The following GALNT9 variants were observed in gnomAD, a reference collection of about 807,000 sequenced individuals.
GALNT9 encodes GalNAc transferase 9.
Under a neutral mutation model 63.1 loss-of-function variants are expected in GALNT9, and 47 were observed. That is an observed-to-expected ratio of 0.75 (90% CI 0.59 to 0.95). The LOEUF (loss-of-function observed/expected upper bound fraction) is 0.95, where lower values mean the gene tolerates loss of function less well. Among genes scored for constraint, GALNT9 ranks in the 40% least tolerant of loss-of-function variants. The pLI is 0.00. For missense variants in GALNT9, 829 were observed against 874.8 expected (o/e 0.95, Z 0.66); for synonymous variants, 396 against 365.7 (o/e 1.08, Z -0.94).
At chr12:132,309,879 C>T (rs566710033) in intron 1 of GALNT9, among the ~76,000 whole-genome samples, 5 of 152,238 alleles carry the variant, frequency 3.3e-5, no homozygotes, top group Non-Finnish European at 5.9e-5. Context: ...GGCCACCACC[C>T]GTCCCCTGTT....
At chr12:132,247,609 CAGCCACACT>C (rs1565998827) in intron 6 of GALNT9, 1 of 545,840 alleles carries the variant, frequency 1.8e-6, no homozygotes, top group African/African-American at 1.9e-5. Context: ...CCGGACACTG[CAGCCACACT>C]CGCCCTCACC....
Position 132,296,015 on chromosome 12 carries a change from TC to T in GALNT9, c.239-9586del, listed in dbSNP as rs572967265. 3.5e-4 allele frequency among the ~76,000 whole-genome samples: 44 copies of T among 126,322 alleles called. No homozygotes were observed. Among genetic ancestry groups the T allele is most frequent in the Middle Eastern group, 5.2e-3 (1 of 192 alleles). 82.9% of individuals were successfully genotyped at this position (126,322 alleles called of 152,430 possible). The stretch of plus-strand genomic sequence containing the variant: ...GACGGCCTCCGGAACAGGGAGAGCC[TC>T]CGGAACAGGGAGAGCCTCCAGAACA... On this transcript the variant is annotated intron_variant, in intron 1 of 10. Transcript: ENST00000328957. This position sits in a 1 kb window ranked among gnomAD's most constrained non-coding sequence, Gnocchi z 4.2.
In GALNT9 at chr12:132,265,660, G is replaced by T. The variant is rs960509942; in HGVS notation, c.420-3035C>A. 6.6e-6 allele frequency among the ~76,000 whole-genome samples: 1 copy of T among 152,112 alleles called. No individual in the cohort carries two copies. The highest frequency in any genetic ancestry group is 2.4e-5 in the African/African-American group (1 of 41,412). ...GGATGCTTACAAGTTCCTGATGCCC[G>T]GTACAGGCCCGGGAAAGACAATGAA... On this transcript the variant is annotated intron_variant, in intron 2 of 10. Transcript: ENST00000328957. The surrounding 1 kb of genome is among the most constrained non-coding windows in gnomAD (Gnocchi z 5.3).
chr12:132,311,788 G>T (rs28640242), intron 1 of GALNT9, among the ~76,000 whole-genome samples: 1 of 151,924 alleles, frequency 6.6e-6, no homozygotes, highest in Non-Finnish European at 1.5e-5. Context: ...TGCGTCCTTC[G>T]TGTGCGTGCG....
At chr12:132,320,339 C>T (rs1426851663) in intron 1 of GALNT9, among the ~76,000 whole-genome samples, 7 of 152,202 alleles carry the variant, frequency 4.6e-5, no homozygotes, top group African/African-American at 7.2e-5. Flanking sequence ...GCGGCAGACA[C>T]GGCCCAGAGC....
chr12:132,286,381 C>G lies in GALNT9; in HGVS notation c.288G>C (p.Gln96His). 1.3e-6 allele frequency: 2 copies of G among 1,550,890 alleles called. No homozygotes were observed. Among genetic ancestry groups the G allele is most frequent in the Non-Finnish European group, 1.7e-6 (2 of 1,146,820 alleles). Residue 96 changes from glutamine (Q) to histidine (H), a missense_variant, in exon 2 of 11, where the codon CAG (glutamine) becomes CAC (histidine). Transcript: ENST00000328957. The surrounding 1 kb of genome is among the most constrained non-coding windows in gnomAD (Gnocchi z 7.4). ...CACGCAGGGTGGCCGCCAAGCCACC[C>G]TGGCCCAGGCCTCCTGGCCCCTCCA... ...GLVEGPGGLG[Q>H]GGLAATLRDD...
chr12:132,211,889 T>C (rs973543634), intron 6 of GALNT9, among the ~76,000 whole-genome samples: 1 of 152,086 alleles, frequency 6.6e-6, no homozygotes, highest in African/African-American at 2.4e-5. Flanking sequence ...AATCCACGCC[T>C]GTGGGCTGTG....
intron 6 of GALNT9, among the ~76,000 whole-genome samples, chr12:132,218,680 A>G (rs2135518580): frequency 6.6e-6 from 1 of 152,316 alleles, no homozygotes; most frequent in South Asian, 2.1e-4. Context: ...ATCGCTGGAA[A>G]GGCAAATCCC....
intron 5 of GALNT9, among the ~76,000 whole-genome samples, chr12:132,254,515 A>G (rs1045793907): frequency 1.3e-5 from 2 of 152,022 alleles, no homozygotes; most frequent in East Asian, 3.9e-4. Flanking sequence ...CTGATCCTCT[A>G]TGCGAGAGGA....
chr12:132,209,709 C>T (rs1196318874), intron 6 of GALNT9, among the ~76,000 whole-genome samples: 3 of 152,170 alleles, frequency 2.0e-5, no homozygotes, highest in Non-Finnish European at 4.4e-5. Context: ...TTCACAGATG[C>T]CATGGGAACG....
intron 6 of GALNT9, among the ~76,000 whole-genome samples, chr12:132,230,792 G>A (rs962507717): frequency 4.6e-5 from 7 of 152,214 alleles, no homozygotes; most frequent in Admixed American, 6.5e-5. Flanking sequence ...GTAACAGTCC[G>A]GGTTAATGGA....
rs1880402216 is a variant in GALNT9, at chr12:132,282,483, A to G, written c.419+3767T>C. Among the ~76,000 whole-genome samples the G allele has an allele frequency of 1.3e-5, 2 of 152,312 alleles. No individual in the cohort carries two copies. Among genetic ancestry groups the G allele is most frequent in the South Asian group, 4.1e-4 (2 of 4,826 alleles). On this transcript the variant is annotated intron_variant, in intron 2 of 10. Transcript: ENST00000328957. This position sits in a 1 kb window ranked among gnomAD's most constrained non-coding sequence, Gnocchi z 4.5. ...TGTGTGTGCACGCATGTGGTAATTT[A>G]TTGCAAAGTCAAGTGGGTCTGTTTT... is the stretch of plus-strand genomic sequence containing the variant.
At position 132,265,404 on chromosome 12, in the gene GALNT9, ACACAT is replaced by A. The variant is rs58492979; in HGVS notation, c.420-2784_420-2780del. 0.064 allele frequency among the ~76,000 whole-genome samples: 9,787 copies of A among 152,158 alleles called. 1,013 individuals carry two copies. Among genetic ancestry groups the A allele is most frequent in the African/African-American group, 0.22 (9,218 of 41,428 alleles). ...TGGGCCTCTGTCTCCGATCTCGGAAACACATCTTCTGGCCCGGGTTTAATCTCAGA... is the reference window on the plus strand; with the variant it reads ...TGGGCCTCTGTCTCCGATCTCGGAAACTTCTGGCCCGGGTTTAATCTCAGA... On this transcript the variant is annotated intron_variant, in intron 2 of 10. Coordinates refer to ENST00000328957, the MANE Select transcript of GALNT9 (RefSeq NM_001122636.2). The surrounding 1 kb of genome is among the most constrained non-coding windows in gnomAD (Gnocchi z 5.3).
chr12:132,199,464 A>C (rs1875825156), intron 8 of GALNT9, among the ~76,000 whole-genome samples, 195 bp from the exon 9 acceptor site: 2 of 152,006 alleles, frequency 1.3e-5, no homozygotes, highest in South Asian at 4.1e-4. Flanking sequence ...GGAGACATGG[A>C]AGTGTCCGCC....
At chr12:132,307,042 C>A (rs1372309181) in intron 1 of GALNT9, among the ~76,000 whole-genome samples, 1 of 151,910 alleles carries the variant, frequency 6.6e-6, no homozygotes, top group Non-Finnish European at 1.5e-5. Flanking sequence ...TGTGAGGGGA[C>A]CTGTGCCCGC....
At chr12:132,205,113 T>G (rs996747951) in intron 6 of GALNT9, among the ~76,000 whole-genome samples, 1 of 152,104 alleles carries the variant, frequency 6.6e-6, no homozygotes, top group Admixed American at 6.5e-5. Context: ...TTCATCCTCG[T>G]CCAGGCTGCT....
At chr12:132,290,521 A>G (rs1880768107) in intron 1 of GALNT9, among the ~76,000 whole-genome samples, 1 of 152,088 alleles carries the variant, frequency 6.6e-6, no homozygotes, top group Non-Finnish European at 1.5e-5. Context: ...AAACAGCCAC[A>G]AGCTCATGTC....
rs190577382 is a variant in GALNT9, at chr12:132,246,563, C to T, written c.1077+1347G>A. On this transcript the variant is annotated intron_variant, in intron 6 of 10. Transcript: ENST00000328957. The surrounding 1 kb of genome is among the most constrained non-coding windows in gnomAD (Gnocchi z 4.7). ...TCATATATTTTTTGAAATGGAGTCT[C>T]ACTCTGTCACCCAGGCTGGAGTGCA... Among the ~76,000 whole-genome samples the T allele has an allele frequency of 4.5e-4, 69 of 152,286 alleles. No homozygotes were observed. Among genetic ancestry groups the T allele is most frequent in the African/African-American group, 1.6e-3 (65 of 41,570 alleles).
chr12:132,240,457 G>C (rs1012075302), intron 6 of GALNT9: 1 of 370,456 alleles, frequency 2.7e-6, no homozygotes, highest in African/African-American at 2.1e-5. Flanking sequence ...CCAGCCCTCA[G>C]AACGGAGCAA....
Sources: allele counts gnomAD v4.1 joint callset (sites outside exome capture counted in the v4.1 genomes callset), GRCh38; gene constraint gnomAD v4.1.1; non-coding constraint Gnocchi (gnomAD v3.1); transcripts MANE v1.5; gene names NCBI Gene and HGNC (gene_info 2026-07-23, HGNC 2026-07-21).